ADAMTS12: variants seen among roughly 807,000 people sequenced by gnomAD.
The protein encoded by ADAMTS12 is ADAM metallopeptidase with thrombospondin type 1 motif 12, also known as A disintegrin and metalloproteinase with thrombospondin motifs 12.
ADAMTS12 carries 118 observed loss-of-function variants against 167.8 expected under a neutral mutation model. The observed-to-expected ratio is 0.70, with a 90% CI of 0.61 to 0.82. ADAMTS12 has a LOEUF of 0.82. ADAMTS12 is among the 40% of genes least tolerant of loss of function. The pLI, the probability that ADAMTS12 is intolerant of heterozygous loss-of-function variation, is 0.00. For synonymous variants in ADAMTS12, 704 were observed against 716.9 expected, an observed-to-expected ratio of 0.98 and a Z score of 0.29; for missense variants, 1,916 against 1,998.8, an observed-to-expected ratio of 0.96 and a Z score of 0.79.
chr5:33,557,044 A>T (rs1055994808), intron 20 of ADAMTS12, among the ~76,000 whole-genome samples: 1 of 152,230 alleles, frequency 6.6e-6, no homozygotes, highest in African/African-American at 2.4e-5. Context: ...CAGCAGTTCT[A>T]TCAGGCTTCA....
Position 33,881,478 on chromosome 5 carries a change from G to T in ADAMTS12, c.130C>A (p.His44Asn). Residue 44 changes from histidine to asparagine, a missense_variant and splice_region_variant, in exon 2 of 24, where the codon CAT becomes AAT. Transcript: ENST00000504830. ...TATTCTGGCAGGCCCTTGATAAAATGCTCTGAAAGAAAAGGAGAAATGGAA... is the reference window on the plus strand; with the variant it reads ...TATTCTGGCAGGCCCTTGATAAAATTCTCTGAAAGAAAAGGAGAAATGGAA... ...PVRFPDRRQE[H>N]FIKGLPEYHV... 1.9e-6 allele frequency: 3 copies of T among 1,609,750 alleles called. No individual in the cohort carries two copies. Among genetic ancestry groups the T allele is most frequent in the Non-Finnish European group, 2.5e-6 (3 of 1,178,896 alleles).
At chr5:33,601,219 G>A (rs1738173121) in intron 16 of ADAMTS12, among the ~76,000 whole-genome samples, 1 of 151,980 alleles carries the variant, frequency 6.6e-6, no homozygotes, top group Middle Eastern at 3.4e-3. Flanking sequence ...TACTTACTGA[G>A]TAATCTTGGA....
At chr5:33,872,878 A>G (rs1470802034) in intron 2 of ADAMTS12, among the ~76,000 whole-genome samples, 1 of 152,240 alleles carries the variant, frequency 6.6e-6, no homozygotes, top group East Asian at 1.9e-4. Flanking sequence ...GAGGACAAAC[A>G]CTTGACAAAA....
chr5:33,708,277 C>G (rs535322178), intron 3 of ADAMTS12, among the ~76,000 whole-genome samples: 7 of 152,222 alleles, frequency 4.6e-5, no homozygotes, highest in Non-Finnish European at 8.8e-5. Flanking sequence ...GAATGGCCAT[C>G]ATTAAAAAGT....
At chr5:33,743,907 GT>G (rs1316641065) in intron 3 of ADAMTS12, among the ~76,000 whole-genome samples, 4 of 152,154 alleles carry the variant, frequency 2.6e-5, no homozygotes, top group Admixed American at 2.0e-4. Flanking sequence ...AGTGAGGTAA[GT>G]TGCAACTACT....
At chr5:33,546,746 C>T (rs1006219469) in intron 21 of ADAMTS12, among the ~76,000 whole-genome samples, 6 of 152,186 alleles carry the variant, frequency 3.9e-5, no homozygotes, top group Non-Finnish European at 7.3e-5. Flanking sequence ...AATTCTGAAA[C>T]ATGTCAGGTT....
At chr5:33,563,251 T>C (rs1745835167) in intron 19 of ADAMTS12, among the ~76,000 whole-genome samples, 1 of 152,220 alleles carries the variant, frequency 6.6e-6, no homozygotes, top group Non-Finnish European at 1.5e-5. Flanking sequence ...TCGTTCATAC[T>C]TCCTTAAACC....
intron 1 of ADAMTS12, among the ~76,000 whole-genome samples, chr5:33,889,483 A>G (rs946567444): frequency 6.6e-6 from 1 of 152,198 alleles, no homozygotes. Flanking sequence ...AATCCCAGAT[A>G]GCCTTAGAAT....
At chr5:33,739,444 A>T (rs1272022401) in intron 3 of ADAMTS12, among the ~76,000 whole-genome samples, 1 of 151,408 alleles carries the variant, frequency 6.6e-6, no homozygotes, top group Non-Finnish European at 1.5e-5. Context: ...CAAATACCAC[A>T]TTTCAGAAGA....
chr5:33,631,420 A>G (rs374250564), intron 12 of ADAMTS12, among the ~76,000 whole-genome samples: 1 of 152,110 alleles, frequency 6.6e-6, no homozygotes, highest in African/African-American at 2.4e-5. Context: ...TCCTGCCCCA[A>G]CAAATATCCT....
Position 33,636,728 on chromosome 5 carries a change from C to T in ADAMTS12, c.1888+849G>A, listed in dbSNP as rs116064040. On this transcript the variant is annotated intron_variant, in intron 12 of 23. Coordinates refer to ENST00000504830, the MANE Select transcript of ADAMTS12 (RefSeq NM_030955.4). ...TGATTAGCTATTTTTTACTACCTTG[C>T]CTTAAATTTCTTTAACACAGGAAAA... Among the ~76,000 whole-genome samples, 1,497 of 152,238 alleles carry T rather than the reference C, an allele frequency of 9.8e-3. 21 individuals are homozygous for T. The highest frequency in any genetic ancestry group is 0.034 in the African/African-American group (1,418 of 41,554).
intron 3 of ADAMTS12, among the ~76,000 whole-genome samples, chr5:33,695,991 G>A (rs1695089149): frequency 6.6e-6 from 1 of 152,126 alleles, no homozygotes; most frequent in East Asian, 1.9e-4. Context: ...CTGCATTGAC[G>A]AGTCCCATAG....
intron 2 of ADAMTS12, among the ~76,000 whole-genome samples, chr5:33,754,994 T>A (rs1338237485): frequency 1.3e-5 from 2 of 152,186 alleles, no homozygotes; most frequent in African/African-American, 4.8e-5. Flanking sequence ...TTGTAAATCC[T>A]CATAAATGTT....
At position 33,723,316 on chromosome 5, in the gene ADAMTS12, C is replaced by A. The variant is rs536008480; in HGVS notation, c.634+28088G>T. Among the ~76,000 whole-genome samples the A allele has an allele frequency of 2.9e-4, 44 of 152,232 alleles. No homozygotes were observed. In the South Asian group the frequency reaches 3.5e-3, roughly 12 times the overall value. Reference sequence around the variant, plus strand: ...TTTGTGTAAGAGGAAGAGAAATAATCCCATCTTTTTGCTAACATTTTAATC... The same window carrying A: ...TTTGTGTAAGAGGAAGAGAAATAATACCATCTTTTTGCTAACATTTTAATC... On this transcript the variant is annotated intron_variant, in intron 3 of 23. Coordinates refer to ENST00000504830, the MANE Select transcript of ADAMTS12 (RefSeq NM_030955.4).
chr5:33,842,685 G>A (rs1389846762), intron 2 of ADAMTS12, among the ~76,000 whole-genome samples: 2 of 152,130 alleles, frequency 1.3e-5, no homozygotes, highest in African/African-American at 4.8e-5. Context: ...CCAGGCACTG[G>A]GACAGTCTCT....
intron 2 of ADAMTS12, among the ~76,000 whole-genome samples, chr5:33,844,054 C>T (rs1277388500): frequency 1.3e-5 from 2 of 152,076 alleles, no homozygotes; most frequent in Non-Finnish European, 2.9e-5. Context: ...GTGAAGATTT[C>T]ATGGACACTT....
At chr5:33,559,406 C>G (rs938281633) in intron 20 of ADAMTS12, among the ~76,000 whole-genome samples, 1 of 152,268 alleles carries the variant, frequency 6.6e-6, no homozygotes, top group East Asian at 1.9e-4. Flanking sequence ...AATTATCCCC[C>G]AAGAACTGGT....
At chr5:33,616,124 A>C in intron 14 of ADAMTS12, 52 bp from the exon 15 acceptor site, 1 of 1,598,658 alleles carries the variant, frequency 6.3e-7, no homozygotes, top group Non-Finnish European at 8.5e-7. Flanking sequence ...TCTCAGCTGA[A>C]TGCAATCTGT....
intron 2 of ADAMTS12, among the ~76,000 whole-genome samples, chr5:33,765,438 A>G (rs949606295): frequency 1.3e-5 from 2 of 152,230 alleles, no homozygotes; most frequent in African/African-American, 2.4e-5. Flanking sequence ...GTAATCCAAA[A>G]TCTAATCAAG....
Sources: gnomAD v4.1 joint callset for allele counts (sites outside exome capture counted in the v4.1 genomes callset) on GRCh38, gnomAD v4.1.1 for gene constraint, MANE v1.5 for transcripts, NCBI Gene and HGNC (gene_info 2026-07-23, HGNC 2026-07-21) for gene names.